ATAD2B: variants seen among roughly 807,000 people sequenced by gnomAD.
ATAD2B encodes ATPase family AAA domain-containing protein 2B.
ATAD2B carries 40 observed loss-of-function variants against 167.6 expected under a neutral mutation model. The observed-to-expected ratio is 0.24, with a 90% CI of 0.19 to 0.31. The LOEUF is 0.31. Among genes scored for constraint, ATAD2B ranks in the 10% least tolerant of loss-of-function variants. The pLI is 1.00. For missense variants in ATAD2B, 1,242 were observed against 1,757.2 expected, an observed-to-expected ratio of 0.71 and a Z score of 5.24; for synonymous variants, 579 against 596.5, an observed-to-expected ratio of 0.97 and a Z score of 0.43.
At chr2:23,906,460 T>C (rs4665644) in intron 1 of ATAD2B, among the ~76,000 whole-genome samples, 1 of 151,928 alleles carries the variant, frequency 6.6e-6, no homozygotes, top group Non-Finnish European at 1.5e-5. Context: ...ATATTAGAAC[T>C]ATTAGAAAGG....
chr2:23,874,511 TGG>T (rs1696508184), intron 8 of ATAD2B, among the ~76,000 whole-genome samples: 1 of 152,026 alleles, frequency 6.6e-6, no homozygotes, highest in Non-Finnish European at 1.5e-5. Context: ...AAGACCAGTC[TGG>T]GCAACGTGGC....
intron 15 of ATAD2B, among the ~76,000 whole-genome samples, chr2:23,824,523 G>A (rs749633559): frequency 6.6e-6 from 1 of 152,134 alleles, no homozygotes; most frequent in Non-Finnish European, 1.5e-5. Context: ...ATTTAAAATT[G>A]TAATTCATCT....
At chr2:23,875,714 G>A (rs1696722554) in intron 8 of ATAD2B, 115 bp downstream of exon 8, 1 of 726,832 alleles carries the variant, frequency 1.4e-6, no homozygotes, top group Non-Finnish European at 2.4e-6. Flanking sequence ...ACTGAATCTG[G>A]AAGATAATAG....
chr2:23,707,612 G>A, the ATAD2B span: 1 of 152,252 alleles, frequency 6.6e-6, no homozygotes, highest in Non-Finnish European at 1.5e-5. Flanking sequence ...AGGAAGAAGA[G>A]TCTGCTCTAG....
At chr2:23,881,890 A>C (rs1483683004) in intron 6 of ATAD2B, among the ~76,000 whole-genome samples, 1 of 151,428 alleles carries the variant, frequency 6.6e-6, no homozygotes, top group East Asian at 2.0e-4. Context: ...TGCTTGGCTA[A>C]TTTTGTATTT....
chr2:23,840,107 C>A (rs940357848), intron 13 of ATAD2B, among the ~76,000 whole-genome samples: 2 of 152,114 alleles, frequency 1.3e-5, no homozygotes, highest in East Asian at 3.8e-4. Flanking sequence ...TATAGATATG[C>A]CACAATTTGT....
chr2:23,754,924 T>C, intron 25 of ATAD2B, 150 bp from the exon 26 acceptor site: 1 of 728,814 alleles, frequency 1.4e-6, no homozygotes, highest in Non-Finnish European at 2.1e-6. Context: ...AGCAACCCAA[T>C]GTGGTAGATT....
At chr2:23,678,649 T>C in the ATAD2B span, among the ~76,000 whole-genome samples, 1 of 152,140 alleles carries the variant, frequency 6.6e-6, no homozygotes, top group East Asian at 1.9e-4. Context: ...AGCAAAATGG[T>C]GGCAGCAACC....
Position 23,847,961 on chromosome 2 carries a change from C to A in ATAD2B, c.1568+9454G>T, listed in dbSNP as rs571166541. ...TGAGCCGAGATCGCACCACTGCACTCTGACCTGGGCAACAGAGTGAGACTT... is the reference window on the plus strand; with the variant it reads ...TGAGCCGAGATCGCACCACTGCACTATGACCTGGGCAACAGAGTGAGACTT... On this transcript the variant is annotated intron_variant, in intron 13 of 27. Coordinates refer to ENST00000238789, the MANE Select transcript of ATAD2B (RefSeq NM_017552.4). 4.7e-5 allele frequency among the ~76,000 whole-genome samples: 7 copies of A among 147,734 alleles called. No individual in the cohort carries two copies. The East Asian group carries it at 1.2e-3, about 25-fold the overall frequency.
At chr2:23,707,406 TACTGAGA>T in the ATAD2B span, 1 of 152,202 alleles carries the variant, frequency 6.6e-6, no homozygotes. Context: ...TATTTTTAAG[TACTGAGA>T]GGAGGAGCAG....
chr2:23,807,826 A>T (rs56762790), intron 18 of ATAD2B, among the ~76,000 whole-genome samples: 85,069 of 121,208 alleles, frequency 0.7, 29,893 homozygotes, highest in East Asian at 0.93. Context: ...AAAAAAAAAA[A>T]AAATATATAT....
chr2:23,741,948 A>C, the ATAD2B span, among the ~76,000 whole-genome samples: 1 of 152,254 alleles, frequency 6.6e-6, no homozygotes, highest in Non-Finnish European at 1.5e-5. Flanking sequence ...AAAACACATG[A>C]AAAAATGCTC....
chr2:23,875,948 G>T, intron 7 of ATAD2B, 44 bp from the exon 8 acceptor site: 1 of 1,345,606 alleles, frequency 7.4e-7, no homozygotes, highest in South Asian at 1.3e-5. Flanking sequence ...CTAATAAATT[G>T]ATAAATTAAT....
intron 3 of ATAD2B, 56 bp downstream of exon 3, chr2:23,888,293 CT>C: frequency 8.1e-7 from 1 of 1,233,730 alleles, no homozygotes. Context: ...CACTTTACTG[CT>C]TTCTCTAACA....
chr2:23,910,458 G>A (rs933851447), intron 1 of ATAD2B, among the ~76,000 whole-genome samples: 2 of 151,586 alleles, frequency 1.3e-5, no homozygotes, highest in African/African-American at 4.8e-5. Context: ...GATTACAGGC[G>A]TGAGCCACTG....
At chr2:23,711,342 C>CTTTTTTTTTTTTTTTTTTTT in the ATAD2B span, among the ~76,000 whole-genome samples, 1 of 79,786 alleles carries the variant, frequency 1.3e-5, no homozygotes, top group Non-Finnish European at 2.4e-5. Flanking sequence ...GAATTTCTTT[C>CTTTTTTTTTTTTTTTTTTTT]TTTTTTTTTT....
At chr2:23,834,793 C>A (rs904989402) in intron 13 of ATAD2B, among the ~76,000 whole-genome samples, 1 of 151,938 alleles carries the variant, frequency 6.6e-6, no homozygotes, top group Admixed American at 6.6e-5. Flanking sequence ...TGGTGCATGC[C>A]TATAATCCCA....
At chr2:23,908,043 A>T (rs1701744098) in intron 1 of ATAD2B, among the ~76,000 whole-genome samples, 1 of 152,178 alleles carries the variant, frequency 6.6e-6, no homozygotes, top group South Asian at 2.1e-4. Context: ...ACCCTAGAAG[A>T]AAGCCTAGGC....
Position 23,751,934 on chromosome 2 carries a change from G to T in ATAD2B, c.*112C>A. On this transcript the variant is annotated 3_prime_UTR_variant, in exon 28 of 28. Coordinates refer to ENST00000238789, the MANE Select transcript of ATAD2B (RefSeq NM_017552.4). Reference sequence around the variant, plus strand: ...ACAGAGAGAAAGAATGAGTGAGAGAGCACTTTACACCAAGGCTCTGCACAT... The same window carrying T: ...ACAGAGAGAAAGAATGAGTGAGAGATCACTTTACACCAAGGCTCTGCACAT... 1 of 847,376 alleles carries T rather than the reference G, an allele frequency of 1.2e-6. No individual in the cohort carries two copies. Among genetic ancestry groups the T allele is most frequent in the Non-Finnish European group, 1.9e-6 (1 of 533,968 alleles). The allele number at this position is 847,376 out of a possible 1,614,324, so 52.5% of individuals were successfully genotyped here.
Sources: allele counts gnomAD v4.1 joint callset (sites outside exome capture counted in the v4.1 genomes callset), GRCh38; gene constraint gnomAD v4.1.1; transcripts MANE v1.5; gene names NCBI Gene and HGNC (gene_info 2026-07-23, HGNC 2026-07-21).